ASAP2: variants seen among roughly 807,000 people sequenced by gnomAD.
The protein encoded by ASAP2 is ArfGAP with SH3 domain, ankyrin repeat and PH domain 2.
ASAP2 carries 45 observed loss-of-function variants against 131.4 expected under a neutral mutation model. The observed-to-expected ratio is 0.34, with a 90% confidence interval of 0.27 to 0.44. ASAP2 has a LOEUF of 0.44. Ranked by LOEUF, ASAP2 falls within the 20% of genes least tolerant of loss-of-function variation. The pLI is 1.00. For synonymous variants in ASAP2, 510 were observed against 503.0 expected, an observed-to-expected ratio of 1.01 and a Z score of -0.19; for missense variants, 1,011 against 1,297.0, an observed-to-expected ratio of 0.78 and a Z score of 3.39.
At chr2:9,295,703 G>A (rs1304057778) in intron 2 of ASAP2, among the ~76,000 whole-genome samples, 1 of 152,126 alleles carries the variant, frequency 6.6e-6, no homozygotes. Flanking sequence ...TGCTGAATCT[G>A]GTCTCAGAAA....
chr2:9,304,629 A>G (rs916666396), intron 3 of ASAP2, among the ~76,000 whole-genome samples: 46 of 132,608 alleles, frequency 3.5e-4, no homozygotes, highest in East Asian at 9.8e-4. Context: ...GGAGTAGTGG[A>G]GTATAGATAT....
intron 2 of ASAP2, among the ~76,000 whole-genome samples, chr2:9,280,516 A>G (rs1158809227): frequency 6.6e-6 from 1 of 152,182 alleles, no homozygotes; most frequent in African/African-American, 2.4e-5. Context: ...TGTATTTAGG[A>G]ACAAATTTAA....
At chr2:9,386,979 C>T (rs1008426665) in intron 21 of ASAP2, among the ~76,000 whole-genome samples, 4 of 151,086 alleles carry the variant, frequency 2.6e-5, no homozygotes, top group Non-Finnish European at 4.4e-5. Context: ...CTGAGGCGGG[C>T]GGATCACGAG....
chr2:9,263,697 G>T lies in ASAP2; in HGVS notation c.127-15620G>T, dbSNP rs565520601. Among the ~76,000 whole-genome samples, 36 of 152,260 alleles carry T rather than the reference G, an allele frequency of 2.4e-4. 1 individual carries two copies. The highest frequency in any genetic ancestry group is 6.5e-4 in the Admixed American group (10 of 15,296). ...CTGCAGGAGGCTGCAGCCTCTCGTTGTTCATGCGTCGTTTTTTCATAGTGT... is the reference window on the plus strand; with the variant it reads ...CTGCAGGAGGCTGCAGCCTCTCGTTTTTCATGCGTCGTTTTTTCATAGTGT... On this transcript the variant is annotated intron_variant, in intron 1 of 27. Transcript: ENST00000281419.
chr2:9,347,197 C>CT (rs1014298743), intron 11 of ASAP2, among the ~76,000 whole-genome samples: 1 of 152,230 alleles, frequency 6.6e-6, no homozygotes, highest in African/African-American at 2.4e-5. Context: ...CGTTCAGTGG[C>CT]TGAGTGTTCC....
chr2:9,403,730 G>A lies in ASAP2; in HGVS notation c.*403G>A, dbSNP rs1676946143. 1 of 169,390 alleles carries A rather than the reference G, an allele frequency of 5.9e-6. No homozygotes were observed. The highest frequency in any genetic ancestry group is 1.3e-5 in the Non-Finnish European group (1 of 79,248). The allele number at this position is 169,390 out of a possible 1,614,324, so 10.5% of individuals were successfully genotyped here. ...ACAATTATTATTTTAGGCGGCCAGT[G>A]AACTGCTGCTTCAGAAGTCCATAGC... is the stretch of plus-strand genomic sequence containing the variant. On this transcript the variant is annotated 3_prime_UTR_variant, in exon 28 of 28. Transcript: ENST00000281419.
At chr2:9,301,882 G>A (rs1480346413) in intron 3 of ASAP2, among the ~76,000 whole-genome samples, 1 of 145,044 alleles carries the variant, frequency 6.9e-6, no homozygotes, top group African/African-American at 2.6e-5. Context: ...GGAGTGCAGT[G>A]GCACAATCTC....
At chr2:9,322,986 A>G in intron 5 of ASAP2, 135 bp from the exon 6 acceptor site, 1 of 1,018,514 alleles carries the variant, frequency 9.8e-7, no homozygotes, top group African/African-American at 1.6e-5. Context: ...CTTTTGAGGG[A>G]GTTGAGAGGC....
chr2:9,277,553 A>G (rs1666836489), intron 1 of ASAP2, among the ~76,000 whole-genome samples: 1 of 152,146 alleles, frequency 6.6e-6, no homozygotes, highest in Non-Finnish European at 1.5e-5. Flanking sequence ...TTTTTATTTA[A>G]ATAAACATTT....
At position 9,385,907 on chromosome 2, in the gene ASAP2, C is replaced by T. The variant is rs184224577; in HGVS notation, c.2130+549C>T. 2.8e-4 allele frequency among the ~76,000 whole-genome samples: 42 copies of T among 152,358 alleles called. 2 individuals carry two copies. Among genetic ancestry groups the T allele is most frequent in the African/African-American group, 7.9e-4 (33 of 41,584 alleles). On this transcript the variant is annotated intron_variant, in intron 21 of 27. Transcript: ENST00000281419. ...CGAAGGCTCTTGCCTCCTCCTCCAG[C>T]TCCCTTCTTACCATCCTCACTGCTT...
At chr2:9,240,245 AT>A (rs34070129) in intron 1 of ASAP2, among the ~76,000 whole-genome samples, 25,174 of 126,980 alleles carry the variant, frequency 0.2, 1,766 homozygotes, top group African/African-American at 0.25. Context: ...TCCTCCCATA[AT>A]TTTTTTTTTT....
At chr2:9,216,634 T>C (rs574424538) in intron 1 of ASAP2, among the ~76,000 whole-genome samples, 3 of 152,128 alleles carry the variant, frequency 2.0e-5, no homozygotes, top group East Asian at 1.9e-4. Context: ...CTAATTTTTG[T>C]ATTTTTAGTA....
intron 3 of ASAP2, among the ~76,000 whole-genome samples, chr2:9,305,692 G>T (rs1466230718): frequency 7.0e-6 from 1 of 143,716 alleles, no homozygotes; most frequent in Non-Finnish European, 1.5e-5. Context: ...AGATATTGGT[G>T]GAGAGGCTGT....
intron 27 of ASAP2, 129 bp downstream of exon 27, chr2:9,401,525 C>A (rs372533245): frequency 8.1e-7 from 1 of 1,229,176 alleles, no homozygotes; most frequent in Non-Finnish European, 1.1e-6. Flanking sequence ...CTGGTGCCTC[C>A]GCCCCTTAGC....
In ASAP2 at chr2:9,267,621, G is replaced by C. The variant is rs78182286; in HGVS notation, c.127-11696G>C. Among the ~76,000 whole-genome samples, 1,976 of 152,138 alleles carry C rather than the reference G, an allele frequency of 0.013. 71 individuals carry two copies. The East Asian group carries it at 0.13, about 10-fold the overall frequency. ...TTTAAAGAATGATTATGAAGGCCAC[G>C]TGCAGTTTCTCATGCCTGTAATCCC... On this transcript the variant is annotated intron_variant, in intron 1 of 27. Transcript: ENST00000281419.
chr2:9,327,904 C>CA lies in ASAP2; in HGVS notation c.681dup (p.Cys228MetfsTer19). ...GAATCTGATCAAATACTTTCATGCC[C>CA]AATGCAAGTAAGTTCTTCTCTGTTA... On this transcript the variant is annotated frameshift_variant, in exon 7 of 28. Coordinates refer to ENST00000281419, the MANE Select transcript of ASAP2 (RefSeq NM_003887.3). LOFTEE classifies it high-confidence loss of function. 1 of 1,570,772 alleles carries CA rather than the reference C, an allele frequency of 6.4e-7. No homozygotes were observed. The highest frequency in any genetic ancestry group is 8.6e-7 in the Non-Finnish European group (1 of 1,164,700).
At chr2:9,225,725 GGAGACCAATAGGAAGCATTGGCCACTGCC>G (rs1383851921) in intron 1 of ASAP2, among the ~76,000 whole-genome samples, 1 of 152,166 alleles carries the variant, frequency 6.6e-6, no homozygotes, top group Non-Finnish European at 1.5e-5. Context: ...TTAGGGGCAG[GGAGACCAATAGGAAGCATTGGCCACTGCC>G]GTGGGAAGTG....
chr2:9,359,934 A>G (rs1216622768), intron 15 of ASAP2, among the ~76,000 whole-genome samples: 1 of 152,236 alleles, frequency 6.6e-6, no homozygotes, highest in Non-Finnish European at 1.5e-5. Context: ...CTCACTTAAA[A>G]TGTAAAACTA....
At chr2:9,271,164 C>T (rs1666365945) in intron 1 of ASAP2, 6 of 496,138 alleles carry the variant, frequency 1.2e-5, no homozygotes, top group South Asian at 4.1e-5. Flanking sequence ...AAGTTAAAAG[C>T]GGACCCCAAA....
Sources: gnomAD v4.1 joint callset for allele counts (sites outside exome capture counted in the v4.1 genomes callset) on GRCh38, gnomAD v4.1.1 for gene constraint, MANE v1.5 for transcripts, NCBI Gene and HGNC (gene_info 2026-07-23, HGNC 2026-07-21) for gene names.